Variants in ALMS1 observed in about 807,000 individuals in gnomAD.
ALMS1 encodes the protein centrosome-associated protein ALMS1.
In ALMS1, 271 loss-of-function variants were observed where a neutral mutation model predicts 352.2. The ratio of observed to expected loss-of-function variants is 0.77; its 90% confidence interval spans 0.70 to 0.85. The LOEUF is 0.85. ALMS1 is among the 40% of genes least tolerant of loss of function. ALMS1 has a pLI of 0.00. For synonymous variants in ALMS1, 1,865 were observed against 1,761.2 expected (o/e 1.06, Z -1.48); for missense variants, 5,445 against 4,870.7 (o/e 1.12, Z -3.51).
intron 11 of ALMS1, among the ~76,000 whole-genome samples, chr2:73,530,964 G>A (rs1157343472): frequency 2.0e-5 from 3 of 152,128 alleles, no homozygotes; most frequent in Non-Finnish European, 2.9e-5. Context: ...GCCCTAGGCG[G>A]GGCCCACAAA....
chr2:73,448,940 A>G lies in ALMS1; in HGVS notation c.2413A>G (p.Thr805Ala), dbSNP rs772260271. 3.0e-5 allele frequency: 48 copies of G among 1,613,740 alleles called. No homozygotes were observed. In the Admixed American group the frequency reaches 3.8e-4, roughly 13 times the overall value. ...GPADQKTGLP[T>A]VPSSAYSHRE... is the part of the protein sequence containing the mutation. Reference sequence around the variant, plus strand: ...AGCTGACCAGAAGACTGGCCTACCAACAGTACCCTCTAGTGCATACTCACA... The same window carrying G: ...AGCTGACCAGAAGACTGGCCTACCAGCAGTACCCTCTAGTGCATACTCACA... Residue 805 changes from threonine (T) to alanine (A), a missense_variant, in exon 8 of 23, where the codon ACA (threonine) becomes GCA (alanine). Transcript: ENST00000613296.
At chr2:73,578,755 C>T (rs962934116) in intron 16 of ALMS1, among the ~76,000 whole-genome samples, 2 of 152,088 alleles carry the variant, frequency 1.3e-5, no homozygotes, top group Non-Finnish European at 1.5e-5. Context: ...ATTTTGTCCC[C>T]ACTAAAATAG....
chr2:73,507,031 A>T (rs1406929948), intron 10 of ALMS1, among the ~76,000 whole-genome samples: 1 of 152,232 alleles, frequency 6.6e-6, no homozygotes, highest in South Asian at 2.1e-4. Flanking sequence ...ATCTATTGAG[A>T]TAATCATGTG....
chr2:73,590,694 T>TTG (rs1553420549), intron 16 of ALMS1, among the ~76,000 whole-genome samples: 1 of 146,336 alleles, frequency 6.8e-6, no homozygotes, highest in African/African-American at 2.5e-5. Flanking sequence ...TTTTTTTTTT[T>TTG]TTTTTGAGAT....
Position 73,422,991 on chromosome 2 carries a change from G to A in ALMS1, c.764+17G>A. 1 of 1,575,480 alleles carries A rather than the reference G, an allele frequency of 6.3e-7. No individual in the cohort carries two copies. On this transcript the variant is annotated intron_variant, in intron 4 of 22. Coordinates refer to ENST00000613296, the MANE Select transcript of ALMS1 (RefSeq NM_001378454.1). ...ACCTCTGAGGTAGGATGATTTATTT[G>A]CATGTAACCTTTCTCACTTCTTGTT...
At chr2:73,582,362 A>C (rs1675203052) in intron 16 of ALMS1, among the ~76,000 whole-genome samples, 1 of 152,158 alleles carries the variant, frequency 6.6e-6, no homozygotes, top group Admixed American at 6.5e-5. Flanking sequence ...AGAGGGGTGA[A>C]TTTCTTGTGC....
At chr2:73,600,623 C>T in intron 17 of ALMS1, 55 bp from the exon 18 acceptor site, 1 of 1,509,812 alleles carries the variant, frequency 6.6e-7, no homozygotes, top group Non-Finnish European at 9.0e-7. Context: ...TTGAATAAAT[C>T]TGTCAACTCA....
At chr2:73,461,088 T>C (rs1295869954) in intron 9 of ALMS1, among the ~76,000 whole-genome samples, 5 of 151,924 alleles carry the variant, frequency 3.3e-5, no homozygotes, top group Non-Finnish European at 7.4e-5. Context: ...TTGAAGAGAG[T>C]AGTGGTTCTC....
At chr2:73,532,041 G>T (rs1312942260) in intron 11 of ALMS1, among the ~76,000 whole-genome samples, 3 of 152,242 alleles carry the variant, frequency 2.0e-5, no homozygotes, top group African/African-American at 7.2e-5. Context: ...AGATCCAGAA[G>T]AATTCTCTGG....
intron 1 of ALMS1, among the ~76,000 whole-genome samples, chr2:73,389,980 C>T (rs1226732772): frequency 6.6e-6 from 1 of 152,180 alleles, no homozygotes; most frequent in East Asian, 1.9e-4. Context: ...AGCCACCGCG[C>T]CCGGCCTCTA....
chr2:73,571,477 G>A (rs1674926471), intron 15 of ALMS1, among the ~76,000 whole-genome samples: 2 of 152,114 alleles, frequency 1.3e-5, no homozygotes, highest in Admixed American at 1.3e-4. Context: ...TCCTCACGTG[G>A]TGGAAGGCAG....
chr2:73,424,672 G>C lies in ALMS1; in HGVS notation c.1007G>C (p.Cys336Ser). The stretch of plus-strand genomic sequence containing the variant: ...GATGAACTGAAAATTCCCAAAGACT[G>C]TGATCGTTATGATGATCTTTGTTCA... Reference protein sequence around the residue: ...SVDELKIPKDCDRYDDLCSYM... With the variant: ...SVDELKIPKDSDRYDDLCSYM... Residue 336 changes from cysteine (C) to serine (S), a missense_variant, in exon 5 of 23, where the codon TGT becomes TCT. Physicochemically the swap from Cys to Ser is moderately radical, Grantham distance 112. Transcript: ENST00000613296. 6.2e-7 allele frequency: 1 copy of C among 1,614,068 alleles called. No homozygotes were observed. Among genetic ancestry groups the C allele is most frequent in the Non-Finnish European group, 8.5e-7 (1 of 1,180,002 alleles).
At chr2:73,455,080 T>C in intron 8 of ALMS1, 82 bp from the exon 9 acceptor site, 1 of 1,466,708 alleles carries the variant, frequency 6.8e-7, no homozygotes, top group South Asian at 1.1e-5. Flanking sequence ...AAATTGCATA[T>C]ATTGATGATC....
rs1671979624 is a variant in ALMS1 at position 73,452,949 on chromosome 2, C to A, written c.6422C>A (p.Ser2141Tyr). The A allele has an allele frequency of 6.2e-7, 1 of 1,613,014 alleles. No individual in the cohort carries two copies. The stretch of plus-strand genomic sequence containing the variant: ...GTATTACCAACAGCTCTTCCTAGTT[C>A]CTTTTCACATCGAGAGAAACCAGAT... ...KTVLPTALPS[S>Y]FSHREKPDIF... The change falls in exon 8 of 23, where the codon TCC becomes TAC. Residue 2141 changes from serine (S) to tyrosine (Y), a missense_variant. Physicochemically the swap from Ser to Tyr is moderately radical, Grantham distance 144 (BLOSUM62 -2). Coordinates refer to ENST00000613296, the MANE Select transcript of ALMS1 (RefSeq NM_001378454.1).
At chr2:73,549,115 A>T (rs1408544682) in intron 12 of ALMS1, among the ~76,000 whole-genome samples, 1 of 152,222 alleles carries the variant, frequency 6.6e-6, no homozygotes, top group Non-Finnish European at 1.5e-5. Flanking sequence ...AGCTCAGGAA[A>T]TAGAGGATCT....
At chr2:73,488,404 G>T (rs540359671) in intron 9 of ALMS1, among the ~76,000 whole-genome samples, 1 of 152,336 alleles carries the variant, frequency 6.6e-6, no homozygotes, top group Non-Finnish European at 1.5e-5. Flanking sequence ...AACCAGGAGT[G>T]GGGAGAGGCC....
chr2:73,442,123 G>A (rs1671731272), intron 7 of ALMS1, among the ~76,000 whole-genome samples: 1 of 151,922 alleles, frequency 6.6e-6, no homozygotes, highest in Non-Finnish European at 1.5e-5. Context: ...TTATTATAAT[G>A]TATATTATAT....
intron 2 of ALMS1, among the ~76,000 whole-genome samples, chr2:73,411,312 G>T (rs533516880): frequency 6.6e-6 from 1 of 152,106 alleles, no homozygotes; most frequent in Non-Finnish European, 1.5e-5. Context: ...AGCAAGGAAG[G>T]ACCCTCCCCT....
chr2:73,400,159 T>C (rs758793815), intron 1 of ALMS1, among the ~76,000 whole-genome samples: 6 of 152,200 alleles, frequency 3.9e-5, no homozygotes, highest in Non-Finnish European at 8.8e-5. Context: ...TTGCCCAGGC[T>C]GGTCTCGAAC....
Sources: gnomAD v4.1 joint callset for allele counts (sites outside exome capture counted in the v4.1 genomes callset) on GRCh38, gnomAD v4.1.1 for gene constraint, MANE v1.5 for transcripts, NCBI Gene and HGNC (gene_info 2026-07-23, HGNC 2026-07-21) for gene names.